PARD3B: variants seen among roughly 807,000 people sequenced by gnomAD.
PARD3B encodes par-3 family cell polarity regulator beta.
Under a neutral mutation model 130.2 loss-of-function variants are expected in PARD3B, and 103 were observed. The observed-to-expected ratio is 0.79, with a 90% CI of 0.67 to 0.93. PARD3B has a LOEUF of 0.93. Among genes scored for constraint, PARD3B ranks in the 40% least tolerant of loss-of-function variants. PARD3B has a pLI of 0.00. For synonymous variants in PARD3B, 583 were observed against 553.2 expected, an observed-to-expected ratio of 1.05 and a Z score of -0.76; for missense variants, 1,609 against 1,499.2, an observed-to-expected ratio of 1.07 and a Z score of -1.21.
At position 205,615,467 on chromosome 2, in the gene PARD3B, C is replaced by T; in HGVS notation, c.3272C>T (p.Ala1091Val). The change falls in exon 23 of 23, where the codon GCA becomes GTA. Residue 1091 changes from alanine to valine, a missense_variant. Transcript: ENST00000406610. ...TCTTCTCTTTCCAGGGGAGGACCCGCAGATCCTGTAGACTATCTGCCAGCA... is the reference window on the plus strand; with the variant it reads ...TCTTCTCTTTCCAGGGGAGGACCCGTAGATCCTGTAGACTATCTGCCAGCA... ...QYASLPRGGPADPVDYLPAAP... is the reference protein window; with the variant it reads ...QYASLPRGGPVDPVDYLPAAP... 2 of 1,598,872 alleles carry T rather than the reference C, an allele frequency of 1.3e-6. No individual in the cohort carries two copies. The highest frequency in any genetic ancestry group is 1.7e-4 in the Middle Eastern group (1 of 5,944).
intron 4 of PARD3B, among the ~76,000 whole-genome samples, chr2:205,049,426 C>T (rs1699030594): frequency 6.6e-6 from 1 of 152,144 alleles, no homozygotes; most frequent in Admixed American, 6.6e-5. Flanking sequence ...CATGGGGGAA[C>T]TGTGCCCATG....
In PARD3B at chr2:205,301,785, G is replaced by A; in HGVS notation, c.2630+84G>A. The A allele has an allele frequency of 6.2e-7, 1 of 1,607,288 alleles. No individual in the cohort carries two copies. Among genetic ancestry groups the A allele is most frequent in the Non-Finnish European group, 8.5e-7 (1 of 1,173,808 alleles). On this transcript the variant is annotated intron_variant, in intron 18 of 22. Transcript: ENST00000406610. The surrounding 1 kb of genome is among the most constrained non-coding windows in gnomAD (Gnocchi z 5.2). ...CTCCTTTGTCTGTACTCAGAAAAAA[G>A]CGCACGCTTTTCCTCGTCTTCAGCC...
intron 10 of PARD3B, among the ~76,000 whole-genome samples, chr2:205,148,129 A>G (rs2033498596): frequency 6.6e-6 from 1 of 152,022 alleles, no homozygotes; most frequent in South Asian, 2.1e-4. Flanking sequence ...ATCTATCTAT[A>G]TATTCTATTT....
At chr2:205,115,481 G>T (rs911522607) in intron 6 of PARD3B, among the ~76,000 whole-genome samples, 2 of 151,982 alleles carry the variant, frequency 1.3e-5, no homozygotes, top group African/African-American at 4.8e-5. Context: ...GATTATTTTG[G>T]CTAAAACCAA....
chr2:205,378,635 CT>C (rs559839181), intron 18 of PARD3B, among the ~76,000 whole-genome samples: 196 of 137,064 alleles, frequency 1.4e-3, no homozygotes, highest in Middle Eastern at 3.8e-3. Flanking sequence ...ATTTTTTTTT[CT>C]TTTTTTTTTT....
chr2:204,977,272 A>G (rs1047105826), intron 3 of PARD3B, among the ~76,000 whole-genome samples: 7 of 152,168 alleles, frequency 4.6e-5, no homozygotes, highest in Non-Finnish European at 1.0e-4. Flanking sequence ...AACTCGGCAT[A>G]TGGTTCACAA....
At chr2:205,224,385 A>AAAAAAAAAAAG (rs1164513653) in intron 15 of PARD3B, among the ~76,000 whole-genome samples, 31 of 147,584 alleles carry the variant, frequency 2.1e-4, no homozygotes, top group African/African-American at 7.1e-4. Context: ...AAAAAAAAAA[A>AAAAAAAAAAAG]AAAGAAAGAA....
intron 2 of PARD3B, among the ~76,000 whole-genome samples, chr2:204,835,614 CA>C (rs986949634): frequency 6.6e-6 from 1 of 152,108 alleles, no homozygotes; most frequent in Non-Finnish European, 1.5e-5. Context: ...AATACCAGTT[CA>C]ATTTTGAAAT....
At chr2:205,284,043 A>G (rs2041292992) in intron 16 of PARD3B, among the ~76,000 whole-genome samples, 1 of 152,230 alleles carries the variant, frequency 6.6e-6, no homozygotes, top group Non-Finnish European at 1.5e-5. Flanking sequence ...TAAACTATGC[A>G]ATTAAATCAA....
intron 3 of PARD3B, among the ~76,000 whole-genome samples, chr2:205,018,641 C>T (rs1018626967): frequency 7.4e-6 from 1 of 135,754 alleles, no homozygotes; most frequent in African/African-American, 2.8e-5. Context: ...ATCAGGAGAG[C>T]CTCGTTTTTC....
At chr2:204,858,182 G>A (rs928639379) in intron 2 of PARD3B, among the ~76,000 whole-genome samples, 19 of 151,944 alleles carry the variant, frequency 1.3e-4, no homozygotes, top group South Asian at 6.2e-4. Context: ...TATCAAATAC[G>A]TTAATACTAT....
intron 19 of PARD3B, among the ~76,000 whole-genome samples, chr2:205,426,149 T>C (rs994774596): frequency 1.3e-5 from 2 of 151,978 alleles, no homozygotes; most frequent in African/African-American, 4.8e-5. Context: ...AATGAGGCAA[T>C]GGTGAAAAAT....
intron 2 of PARD3B, among the ~76,000 whole-genome samples, chr2:204,800,593 C>A (rs909124777): frequency 5.9e-5 from 9 of 152,036 alleles, no homozygotes; most frequent in Admixed American, 3.9e-4. Flanking sequence ...AATCAAACTC[C>A]CAAAGGTCAA....
At chr2:204,866,898 G>A (rs1032943466) in intron 2 of PARD3B, among the ~76,000 whole-genome samples, 2 of 151,724 alleles carry the variant, frequency 1.3e-5, no homozygotes, top group Non-Finnish European at 2.9e-5. Flanking sequence ...GTGAAACCCC[G>A]TCTCTACTAA....
rs187341442 is a variant in PARD3B, at chr2:204,799,842, A to C, written c.222+113560A>C. 6.6e-6 allele frequency among the ~76,000 whole-genome samples: 1 copy of C among 152,202 alleles called. No individual in the cohort carries two copies. The highest frequency in any genetic ancestry group is 1.5e-5 in the Non-Finnish European group (1 of 68,038). On this transcript the variant is annotated intron_variant, in intron 2 of 22. Coordinates refer to ENST00000406610, the MANE Select transcript of PARD3B (RefSeq NM_001302769.2). The surrounding 1 kb of genome is among the most constrained non-coding windows in gnomAD (Gnocchi z 4.1). ...GTTCCCCAAATGCAGATATGGCTGC[A>C]GTGACTAAAGATTTATATCACAGCA...
chr2:205,226,411 T>C lies in PARD3B; in HGVS notation c.2141-19367T>C, dbSNP rs114892241. ...GTTGGTTGCTTGTACTTGTGGAGTA[T>C]TACTCAAGAAATCGTTGCCGAGTCT... On this transcript the variant is annotated intron_variant, in intron 15 of 22. Coordinates refer to ENST00000406610, the MANE Select transcript of PARD3B (RefSeq NM_001302769.2). Among the ~76,000 whole-genome samples the C allele has an allele frequency of 6.4e-3, 978 of 152,338 alleles. 13 individuals carry two copies. Among genetic ancestry groups the C allele is most frequent in the African/African-American group, 0.022 (928 of 41,584 alleles).
intron 2 of PARD3B, among the ~76,000 whole-genome samples, chr2:204,764,715 C>CATGTGTGTGTGTGTGTGTGTGTGT (rs60298501): frequency 4.1e-5 from 6 of 145,644 alleles, no homozygotes; most frequent in African/African-American, 1.5e-4. Context: ...GGCATGCATG[C>CATGTGTGTGTGTGTGTGTGTGTGT]GTGTGTGTGT....
chr2:205,315,173 C>T (rs181788131), intron 18 of PARD3B, among the ~76,000 whole-genome samples: 4 of 152,096 alleles, frequency 2.6e-5, no homozygotes, highest in Non-Finnish European at 4.4e-5. Flanking sequence ...TGCAATGTAA[C>T]GTAGTAGCAA....
rs2046966413 is a variant in PARD3B, at chr2:205,421,343, T to G, written c.2742-19027T>G. 6.6e-6 allele frequency among the ~76,000 whole-genome samples: 1 copy of G among 152,166 alleles called. No individual in the cohort carries two copies. Among genetic ancestry groups the G allele is most frequent in the African/African-American group, 2.4e-5 (1 of 41,440 alleles). ...CTGTGCCTACACAATGCAGGCACATTGCAATGTCTCCAATATAATTGTTAT... is the reference window on the plus strand; with the variant it reads ...CTGTGCCTACACAATGCAGGCACATGGCAATGTCTCCAATATAATTGTTAT... On this transcript the variant is annotated intron_variant, in intron 19 of 22. Transcript: ENST00000406610. This position sits in a 1 kb window ranked among gnomAD's most constrained non-coding sequence, Gnocchi z 5.1.
Sources: gnomAD v4.1 joint callset for allele counts (sites outside exome capture counted in the v4.1 genomes callset) on GRCh38, gnomAD v4.1.1 for gene constraint, Gnocchi (gnomAD v3.1) non-coding constraint, MANE v1.5 for transcripts, NCBI Gene and HGNC (gene_info 2026-07-23, HGNC 2026-07-21) for gene names.